Variants in WNT2 observed in about 807,000 individuals in gnomAD.
WNT2 encodes protein Wnt-2.
A neutral mutation model predicts 36.9 loss-of-function variants in WNT2; 12 were observed. That is an observed-to-expected ratio of 0.33 (90% CI 0.21 to 0.53). WNT2 has a LOEUF of 0.53. WNT2 is among the 20% of genes least tolerant of loss of function. The pLI, the probability that WNT2 is intolerant of heterozygous loss-of-function variation, is 0.95. For missense variants in WNT2, 379 were observed against 473.1 expected, an observed-to-expected ratio of 0.80 and a Z score of 1.84; for synonymous variants, 163 against 174.6, an observed-to-expected ratio of 0.93 and a Z score of 0.52.
chr7:117,288,758 C>G (rs11762242), intron 4 of WNT2, among the ~76,000 whole-genome samples: 1 of 151,874 alleles, frequency 6.6e-6, no homozygotes, highest in Admixed American at 6.6e-5. Context: ...ACAATTCAAT[C>G]TGATTACCAC....
At position 117,315,220 on chromosome 7, in the gene WNT2, C is replaced by T; in HGVS notation, c.439G>A (p.Asp147Asn). The T allele has an allele frequency of 6.2e-7, 1 of 1,614,194 alleles. No homozygotes were observed. The highest frequency in any genetic ancestry group is 8.5e-7 in the Non-Finnish European group (1 of 1,180,032). ...CDPKKMGSAKDSKGIFDWGGC... is the reference protein window; with the variant it reads ...CDPKKMGSAKNSKGIFDWGGC... ...CCCCAATCAAAAATGCCTTTGCTGTCCTTGGCGCTTCCCATCTTCTTTGGA... is the reference window on the plus strand; with the variant it reads ...CCCCAATCAAAAATGCCTTTGCTGTTCTTGGCGCTTCCCATCTTCTTTGGA... The change falls in exon 3 of 5, where the codon GAC (aspartate) becomes AAC (asparagine). Residue 147 changes from aspartate to asparagine, a missense_variant. Coordinates refer to ENST00000265441, the MANE Select transcript of WNT2 (RefSeq NM_003391.3).
At chr7:117,301,269 C>T (rs1350892056) in intron 3 of WNT2, among the ~76,000 whole-genome samples, 1 of 152,130 alleles carries the variant, frequency 6.6e-6, no homozygotes, top group African/African-American at 2.4e-5. Flanking sequence ...CTACCTTCAT[C>T]TCTTCTATGT....
chr7:117,318,330 G>C (rs1294410473), intron 2 of WNT2, among the ~76,000 whole-genome samples: 1 of 152,128 alleles, frequency 6.6e-6, no homozygotes, highest in African/African-American at 2.4e-5. Flanking sequence ...GCCAAATTCA[G>C]CCCTCCCATA....
chr7:117,290,908 A>G (rs3779547), intron 4 of WNT2, among the ~76,000 whole-genome samples: 76,354 of 152,148 alleles, frequency 0.5, 19,483 homozygotes, highest in Middle Eastern at 0.58. Context: ...TAAGGTGTAC[A>G]GGTTAGAACT....
intron 2 of WNT2, among the ~76,000 whole-genome samples, chr7:117,320,049 A>G (rs1795295349): frequency 6.6e-6 from 1 of 152,228 alleles, no homozygotes; most frequent in South Asian, 2.1e-4. Context: ...ACACAGAGGC[A>G]CCAAGGCTGA....
intron 3 of WNT2, 113 bp downstream of exon 3, chr7:117,314,958 A>G: frequency 6.9e-7 from 1 of 1,450,618 alleles, no homozygotes; most frequent in Middle Eastern, 2.6e-4. Flanking sequence ...GGACAGTAGG[A>G]AGTTGTGACT....
chr7:117,303,586 C>T (rs185651633), intron 3 of WNT2, among the ~76,000 whole-genome samples: 1 of 152,040 alleles, frequency 6.6e-6, no homozygotes, highest in African/African-American at 2.4e-5. Context: ...CATGCACAGC[C>T]GCTGATGGAG....
At chr7:117,295,398 C>T (rs1794770788) in intron 4 of WNT2, among the ~76,000 whole-genome samples, 1 of 152,120 alleles carries the variant, frequency 6.6e-6, no homozygotes, top group South Asian at 2.1e-4. Flanking sequence ...GAATTTCTTT[C>T]TAATACAAAG....
At chr7:117,297,932 C>CA (rs1490401276) in intron 3 of WNT2, 56 bp from the exon 4 acceptor site, 6 of 1,545,138 alleles carry the variant, frequency 3.9e-6, no homozygotes, top group Non-Finnish European at 5.3e-6. Context: ...ACACATGCTC[C>CA]AACTCTCCTT....
intron 2 of WNT2, among the ~76,000 whole-genome samples, chr7:117,316,949 G>A (rs1795232322): frequency 6.6e-6 from 1 of 152,232 alleles, no homozygotes; most frequent in Admixed American, 6.5e-5. Context: ...CTTAATCTCA[G>A]ATAGTGGCTT....
At chr7:117,285,044 C>T (rs1389997426) in intron 4 of WNT2, among the ~76,000 whole-genome samples, 1 of 152,250 alleles carries the variant, frequency 6.6e-6, no homozygotes, top group Non-Finnish European at 1.5e-5. Context: ...GTGACCAGTG[C>T]AGCAGCGTCT....
Position 117,277,940 on chromosome 7 carries a change from A to G in WNT2, c.*215T>C. On this transcript the variant is annotated 3_prime_UTR_variant, in exon 5 of 5. Coordinates refer to ENST00000265441, the MANE Select transcript of WNT2 (RefSeq NM_003391.3). Reference sequence around the variant, plus strand: ...ACTCGCCAGGAGGGGAGATGACTGCAGAACACCAGGAGATGGATAGAATAG... The same window carrying G: ...ACTCGCCAGGAGGGGAGATGACTGCGGAACACCAGGAGATGGATAGAATAG... 1 of 584,446 alleles carries G rather than the reference A, an allele frequency of 1.7e-6. No individual in the cohort carries two copies. Among genetic ancestry groups the G allele is most frequent in the Non-Finnish European group, 3.0e-6 (1 of 328,342 alleles). 36.2% of individuals were successfully genotyped at this position (584,446 alleles called of 1,614,324 possible).
intron 2 of WNT2, 98 bp from the exon 3 acceptor site, chr7:117,315,446 C>A (rs1391795857): frequency 3.1e-6 from 4 of 1,286,256 alleles, no homozygotes; most frequent in Non-Finnish European, 4.2e-6. Flanking sequence ...TTTCAGACAA[C>A]CTTTGCCACT....
At chr7:117,285,876 GGCCT>G (rs1794568945) in intron 4 of WNT2, among the ~76,000 whole-genome samples, 1 of 152,148 alleles carries the variant, frequency 6.6e-6, no homozygotes, top group African/African-American at 2.4e-5. Context: ...CAGGATGTGT[GGCCT>G]GCCTGAGTCC....
intron 3 of WNT2, among the ~76,000 whole-genome samples, chr7:117,313,584 G>T (rs189782924): frequency 6.6e-6 from 1 of 152,294 alleles, no homozygotes; most frequent in African/African-American, 2.4e-5. Context: ...ATAAGTCAAT[G>T]TTCTTTTGGA....
intron 2 of WNT2, among the ~76,000 whole-genome samples, chr7:117,318,199 A>G (rs1795257027): frequency 6.6e-6 from 1 of 152,160 alleles, no homozygotes; most frequent in Non-Finnish European, 1.5e-5. Flanking sequence ...CTATTCATCT[A>G]TGAGCATATT....
intron 3 of WNT2, among the ~76,000 whole-genome samples, chr7:117,309,867 T>G (rs557469147): frequency 5.4e-4 from 82 of 152,298 alleles, no homozygotes; most frequent in African/African-American, 1.9e-3. Context: ...ACCCAGAAGC[T>G]TTCTATATCA....
At chr7:117,321,607 T>C (rs1795327783) in intron 1 of WNT2, among the ~76,000 whole-genome samples, 1 of 152,220 alleles carries the variant, frequency 6.6e-6, no homozygotes, top group African/African-American at 2.4e-5. Flanking sequence ...TTTGAAGCGA[T>C]CAAACAAGGA....
At chr7:117,291,117 G>T (rs1794681589) in intron 4 of WNT2, among the ~76,000 whole-genome samples, 1 of 152,232 alleles carries the variant, frequency 6.6e-6, no homozygotes, top group South Asian at 2.1e-4. Context: ...GATTGGGATT[G>T]TGTACCCATG....
Sources: allele counts gnomAD v4.1 joint callset (sites outside exome capture counted in the v4.1 genomes callset), GRCh38; gene constraint gnomAD v4.1.1; transcripts MANE v1.5; gene names NCBI Gene and HGNC (gene_info 2026-07-23, HGNC 2026-07-21).